The following ENOX1 variants were observed in gnomAD, a reference collection of about 807,000 sequenced individuals.
ENOX1 encodes ecto-NOX disulfide-thiol exchanger 1.
A neutral mutation model predicts 82.5 loss-of-function variants in ENOX1; 42 were observed. The observed-to-expected ratio is 0.51, with a 90% CI of 0.40 to 0.66. The LOEUF (loss-of-function observed/expected upper bound fraction) is 0.66, where lower values mean the gene tolerates loss of function less well. Among genes scored for constraint, ENOX1 ranks in the 30% least tolerant of loss-of-function variants. The pLI is 0.00. For synonymous variants in ENOX1, 271 were observed against 282.2 expected (o/e 0.96, Z 0.40); for missense variants, 608 against 811.6 (o/e 0.75, Z 3.05).
Position 43,520,690 on chromosome 13 carries a change from G to A in ENOX1, c.-218-36538C>T, listed in dbSNP as rs372062075. 1.8e-4 allele frequency among the ~76,000 whole-genome samples: 27 copies of A among 152,262 alleles called. 1 individual carries two copies. The East Asian group carries it at 3.3e-3, about 19-fold the overall frequency. On this transcript the variant is annotated intron_variant, in intron 2 of 16. Transcript: ENST00000690772. The stretch of plus-strand genomic sequence containing the variant: ...CACTGGTCAGGTAGAGATGGCATGT[G>A]AGGATTTGAAAAGAAAGTGGTACTG...
At chr13:43,633,181 T>G (rs1182069265) in intron 2 of ENOX1, among the ~76,000 whole-genome samples, 1 of 152,230 alleles carries the variant, frequency 6.6e-6, no homozygotes, top group African/African-American at 2.4e-5. Flanking sequence ...AACTCACTAC[T>G]AACCATGGAA....
intron 3 of ENOX1, among the ~76,000 whole-genome samples, chr13:43,463,800 TTTCA>T (rs2057597298): frequency 6.6e-6 from 1 of 152,220 alleles, no homozygotes; most frequent in Non-Finnish European, 1.5e-5. Flanking sequence ...GAATTTGTAT[TTTCA>T]TGACAACTAG....
intron 14 of ENOX1, among the ~76,000 whole-genome samples, chr13:43,256,542 A>C (rs1263679535): frequency 6.6e-6 from 1 of 152,226 alleles, no homozygotes; most frequent in Non-Finnish European, 1.5e-5. Flanking sequence ...AATGGCCAAC[A>C]GTTTTATGGA....
intron 2 of ENOX1, among the ~76,000 whole-genome samples, chr13:43,640,018 G>A (rs185032152): frequency 2.3e-4 from 35 of 152,232 alleles, no homozygotes; most frequent in Middle Eastern, 3.4e-3. Context: ...AACAGAGCAA[G>A]ACTCTGTCTC....
At chr13:43,779,393 C>G (rs1026020674) in intron 1 of ENOX1, among the ~76,000 whole-genome samples, 1 of 152,024 alleles carries the variant, frequency 6.6e-6, no homozygotes, top group South Asian at 2.1e-4. Context: ...GCATGTTACC[C>G]AACTCTCTCA....
intron 2 of ENOX1, among the ~76,000 whole-genome samples, chr13:43,541,171 C>CTTTTTTTTTTTTTTTTTTT (rs1555317884): frequency 2.6e-5 from 1 of 38,752 alleles, no homozygotes. Flanking sequence ...CTTCTTCCCT[C>CTTTTTTTTTTTTTTTTTTT]TGTTTTTTTT....
At chr13:43,571,699 A>G (rs746293106) in intron 2 of ENOX1, among the ~76,000 whole-genome samples, 28 of 152,124 alleles carry the variant, frequency 1.8e-4, no homozygotes, top group Non-Finnish European at 1.0e-4. Context: ...TCAAAAAACA[A>G]ACAAACAAAC....
chr13:43,507,425 A>AG (rs906786757), intron 2 of ENOX1, among the ~76,000 whole-genome samples: 1 of 152,036 alleles, frequency 6.6e-6, no homozygotes, highest in African/African-American at 2.4e-5. Context: ...GGAGGAAAAA[A>AG]TTAGTAACTT....
At chr13:43,752,124 C>A (rs1950356646) in intron 1 of ENOX1, among the ~76,000 whole-genome samples, 1 of 152,136 alleles carries the variant, frequency 6.6e-6, no homozygotes, top group South Asian at 2.1e-4. Context: ...TTGCATTTCC[C>A]TAATGATTAA....
At chr13:43,623,263 T>A (rs1176078713) in intron 2 of ENOX1, among the ~76,000 whole-genome samples, 1 of 152,128 alleles carries the variant, frequency 6.6e-6, no homozygotes, top group Non-Finnish European at 1.5e-5. Flanking sequence ...TCCTTTGAAT[T>A]CTGGCCAGGA....
chr13:43,665,672 C>T (rs955164874), intron 2 of ENOX1, among the ~76,000 whole-genome samples: 3 of 151,650 alleles, frequency 2.0e-5, no homozygotes, highest in Non-Finnish European at 4.4e-5. Flanking sequence ...ACAGCAGTAC[C>T]GGCTCACACA....
At chr13:43,380,036 T>A (rs2051920575) in intron 5 of ENOX1, among the ~76,000 whole-genome samples, 1 of 151,772 alleles carries the variant, frequency 6.6e-6, no homozygotes, top group South Asian at 2.1e-4. Context: ...TAAAAAAAAA[T>A]CTTTTCTTTA....
At chr13:43,697,795 C>T (rs911036728) in intron 1 of ENOX1, among the ~76,000 whole-genome samples, 2 of 152,150 alleles carry the variant, frequency 1.3e-5, no homozygotes, top group African/African-American at 4.8e-5. Flanking sequence ...ACTCTACCTC[C>T]CCTCTGTCAA....
intron 3 of ENOX1, among the ~76,000 whole-genome samples, chr13:43,482,467 G>A (rs775314484): frequency 6.6e-6 from 1 of 152,164 alleles, no homozygotes; most frequent in Non-Finnish European, 1.5e-5. Context: ...AGTTGCCAGA[G>A]CTGAAGGGAG....
intron 3 of ENOX1, among the ~76,000 whole-genome samples, chr13:43,426,767 G>A (rs1265230842): frequency 6.6e-6 from 1 of 152,150 alleles, no homozygotes; most frequent in African/African-American, 2.4e-5. Flanking sequence ...CACTGAAGTA[G>A]ACATATTTTT....
intron 1 of ENOX1, among the ~76,000 whole-genome samples, chr13:43,728,160 T>C (rs2089107664): frequency 6.6e-6 from 1 of 152,092 alleles, no homozygotes; most frequent in Non-Finnish European, 1.5e-5. Context: ...AGAAATGAGG[T>C]GGGGTTAGGG....
intron 2 of ENOX1, among the ~76,000 whole-genome samples, chr13:43,638,265 C>G (rs933355783): frequency 1.3e-5 from 2 of 152,122 alleles, no homozygotes; most frequent in Admixed American, 6.5e-5. Context: ...AGATTTCATA[C>G]CAGGCCACAG....
At chr13:43,550,861 G>T (rs558852666) in intron 2 of ENOX1, among the ~76,000 whole-genome samples, 1 of 152,126 alleles carries the variant, frequency 6.6e-6, no homozygotes, top group African/African-American at 2.4e-5. Flanking sequence ...GTGACATTAC[G>T]ATAGCAATTT....
chr13:43,739,618 G>C (rs1429267751), intron 1 of ENOX1, among the ~76,000 whole-genome samples: 1 of 151,498 alleles, frequency 6.6e-6, no homozygotes, highest in East Asian at 1.9e-4. Flanking sequence ...GTGTGTGGGA[G>C]TTAGATGATT....
Sources: allele counts gnomAD v4.1 joint callset (sites outside exome capture counted in the v4.1 genomes callset), GRCh38; gene constraint gnomAD v4.1.1; transcripts MANE v1.5; gene names NCBI Gene and HGNC (gene_info 2026-07-23, HGNC 2026-07-21).